Variants in MYO5B observed in about 807,000 individuals in gnomAD.
MYO5B encodes unconventional myosin-Vb.
Under a neutral mutation model 229.3 loss-of-function variants are expected in MYO5B, and 143 were observed. The ratio of observed to expected loss-of-function variants is 0.62; its 90% CI spans 0.54 to 0.72. MYO5B has a LOEUF of 0.72. Among genes scored for constraint, MYO5B ranks in the 30% least tolerant of loss-of-function variants. The probability of loss-of-function intolerance (pLI) is 0.00; values close to 1 mark genes in which losing one functional copy is unlikely to be tolerated. For synonymous variants in MYO5B, 918 were observed against 885.2 expected (o/e 1.04, Z -0.66); for missense variants, 2,321 against 2,331.0 (o/e 1.00, Z 0.09).
chr18:50,034,680 G>A (rs1223102937), intron 4 of MYO5B, among the ~76,000 whole-genome samples: 1 of 152,054 alleles, frequency 6.6e-6, no homozygotes, highest in South Asian at 2.1e-4. Flanking sequence ...GGGGGCGGAG[G>A]TTGCAGTGAG....
chr18:50,006,015 G>C (rs976911580), intron 4 of MYO5B, among the ~76,000 whole-genome samples: 1 of 152,154 alleles, frequency 6.6e-6, no homozygotes, highest in African/African-American at 2.4e-5. Context: ...GTCCCAGTGA[G>C]GTCATTTCAC....
At chr18:49,874,964 T>C (rs1163260504) in intron 26 of MYO5B, among the ~76,000 whole-genome samples, 13 of 152,250 alleles carry the variant, frequency 8.5e-5, no homozygotes, top group Admixed American at 7.9e-4. Context: ...TCACCTGTGT[T>C]ATGTCTGGTT....
At chr18:49,945,046 C>T (rs753341062) in intron 14 of MYO5B, among the ~76,000 whole-genome samples, 15 of 152,244 alleles carry the variant, frequency 9.9e-5, no homozygotes, top group Non-Finnish European at 1.9e-4. Context: ...AGGTCCCTTC[C>T]TGACACTTAG....
chr18:49,841,588 G>A, intron 34 of MYO5B, 134 bp from the exon 35 acceptor site: 1 of 794,664 alleles, frequency 1.3e-6, no homozygotes. Flanking sequence ...CAGGGCACTT[G>A]CCAGTCACGG....
At chr18:50,021,589 G>A (rs1362768172) in intron 4 of MYO5B, among the ~76,000 whole-genome samples, 3 of 152,134 alleles carry the variant, frequency 2.0e-5, no homozygotes, top group Non-Finnish European at 4.4e-5. Flanking sequence ...CAGTTTGGGT[G>A]TCACGCTCTG....
intron 2 of MYO5B, among the ~76,000 whole-genome samples, chr18:50,047,433 G>A (rs2030261785): frequency 1.3e-5 from 2 of 152,098 alleles, no homozygotes; most frequent in African/African-American, 4.8e-5. Flanking sequence ...TAAAAAGTCA[G>A]GAAACAACAG....
At chr18:50,178,300 C>G (rs910726844) in intron 1 of MYO5B, among the ~76,000 whole-genome samples, 1 of 152,212 alleles carries the variant, frequency 6.6e-6, no homozygotes, top group Non-Finnish European at 1.5e-5. Context: ...ACTGATATAA[C>G]CCCCTGCTAA....
At chr18:49,920,023 T>G (rs2025057533) in intron 17 of MYO5B, among the ~76,000 whole-genome samples, 1 of 152,204 alleles carries the variant, frequency 6.6e-6, no homozygotes, top group African/African-American at 2.4e-5. Context: ...CATGGATACA[T>G]CTTGAAAACA....
intron 2 of MYO5B, among the ~76,000 whole-genome samples, chr18:50,047,534 A>AT (rs1333947851): frequency 2.0e-5 from 3 of 152,206 alleles, no homozygotes; most frequent in Admixed American, 2.0e-4. Context: ...CAGTGTGGCG[A>AT]TTCCTCAGGG....
rs746635198 is a variant in MYO5B, at chr18:49,937,288, A to G, written c.1862T>C (p.Met621Thr). The G allele has an allele frequency of 1.9e-6, 3 of 1,614,076 alleles. No homozygotes were observed. The highest frequency in any genetic ancestry group is 3.3e-5 in the Admixed American group (2 of 60,014). The change falls in exon 15 of 40, where the codon ATG becomes ACG. Residue 621 changes from methionine (M) to threonine (T), a missense_variant. Transcript: ENST00000285039. ...KISVRSARPP[M>T]KVSNKEHKKT... is the part of the protein sequence containing the mutation. Reference sequence around the variant, plus strand: ...CTTGTGCTCCTTGTTGGAGACTTTCATGGGGGGTCTGGCAGAACGGACGCT... The same window carrying G: ...CTTGTGCTCCTTGTTGGAGACTTTCGTGGGGGGTCTGGCAGAACGGACGCT...
chr18:49,863,082 T>C, intron 29 of MYO5B, 145 bp downstream of exon 29: 1 of 722,264 alleles, frequency 1.4e-6, no homozygotes, highest in Non-Finnish European at 2.5e-6. Context: ...GCAGGGGTTC[T>C]GAGTCAGTCT....
Position 49,841,472 on chromosome 18 carries a change from C to T in MYO5B, c.4612-18G>A, listed in dbSNP as rs1459220151. On this transcript the variant is annotated intron_variant, in intron 34 of 39. Coordinates refer to ENST00000285039, the MANE Select transcript of MYO5B (RefSeq NM_001080467.3). ...TTGTGCTTCTGTGAAAAGAAAAGGA[C>T]ATCCTCAGCTCTAAGTGGCTCCCAT... 6.2e-7 allele frequency: 1 copy of T among 1,609,022 alleles called. No homozygotes were observed. The highest frequency in any genetic ancestry group is 1.3e-5 in the African/African-American group (1 of 74,810).
chr18:50,145,959 C>G (rs570677355), intron 1 of MYO5B, among the ~76,000 whole-genome samples: 1 of 152,170 alleles, frequency 6.6e-6, no homozygotes, highest in African/African-American at 2.4e-5. Context: ...GGATACATTT[C>G]GAAGTATTTG....
chr18:49,989,139 C>G (rs915647200), intron 7 of MYO5B, among the ~76,000 whole-genome samples: 7 of 152,146 alleles, frequency 4.6e-5, no homozygotes, highest in Non-Finnish European at 1.5e-5. Context: ...TCCCTGGGGC[C>G]TAACATGGCC....
chr18:49,901,076 C>T (rs2024836228), intron 21 of MYO5B, among the ~76,000 whole-genome samples: 1 of 152,176 alleles, frequency 6.6e-6, no homozygotes, highest in African/African-American at 2.4e-5. Context: ...AGAGTGAACA[C>T]AAAACACATA....
chr18:50,164,356 A>C (rs1320029082), intron 1 of MYO5B, among the ~76,000 whole-genome samples: 1 of 152,184 alleles, frequency 6.6e-6, no homozygotes, highest in East Asian at 1.9e-4. Flanking sequence ...TAATGACATT[A>C]TTTTGTCAAA....
At position 49,936,279 on chromosome 18, in the gene MYO5B, T is replaced by C. The variant is rs757737747; in HGVS notation, c.1976A>G (p.Lys659Arg). 8 of 1,602,912 alleles carry C rather than the reference T, an allele frequency of 5.0e-6. No individual in the cohort carries two copies. Among genetic ancestry groups the C allele is most frequent in the Non-Finnish European group, 5.1e-6 (6 of 1,174,310 alleles). ...AAAGGGGAGCTTCTCATCGTTGGGCTTGATGCAGCGGACATAGTGAGGTGT... is the reference window on the plus strand; with the variant it reads ...AAAGGGGAGCTTCTCATCGTTGGGCCTGATGCAGCGGACATAGTGAGGTGT... ...ATTPHYVRCIKPNDEKLPFHF... is the reference protein window; with the variant it reads ...ATTPHYVRCIRPNDEKLPFHF... Residue 659 changes from lysine (K) to arginine (R), a missense_variant, in exon 16 of 40, where the codon AAG (lysine) becomes AGG (arginine). Transcript: ENST00000285039.
chr18:50,145,172 G>C (rs1401167439), intron 1 of MYO5B, among the ~76,000 whole-genome samples: 1 of 152,014 alleles, frequency 6.6e-6, no homozygotes, highest in Non-Finnish European at 1.5e-5. Flanking sequence ...CCTACTTCTG[G>C]GTGTCTATAG....
At chr18:49,861,672 C>T (rs2144075351) in intron 29 of MYO5B, among the ~76,000 whole-genome samples, 1 of 149,492 alleles carries the variant, frequency 6.7e-6, no homozygotes, top group East Asian at 1.9e-4. Flanking sequence ...GGAAACTGCC[C>T]CAGCCTGAGT....
Sources: allele counts gnomAD v4.1 joint callset (sites outside exome capture counted in the v4.1 genomes callset), GRCh38; gene constraint gnomAD v4.1.1; transcripts MANE v1.5; gene names NCBI Gene and HGNC (gene_info 2026-07-23, HGNC 2026-07-21).